CPVL: variants seen among roughly 807,000 people sequenced by gnomAD.
The protein encoded by CPVL is probable serine carboxypeptidase CPVL.
Under a neutral mutation model 63.7 loss-of-function variants are expected in CPVL, and 51 were observed. The ratio of observed to expected loss-of-function variants is 0.80; its 90% confidence interval spans 0.64 to 1.01. CPVL has a LOEUF of 1.01. Ranked by LOEUF, CPVL falls within the 50% of genes least tolerant of loss-of-function variation. The pLI, the probability that CPVL is intolerant of heterozygous loss-of-function variation, is 0.00. For missense variants in CPVL, 530 were observed against 573.1 expected, an observed-to-expected ratio of 0.92 and a Z score of 0.77; for synonymous variants, 195 against 206.0, an observed-to-expected ratio of 0.95 and a Z score of 0.46.
At chr7:29,147,498 G>A (rs1383928078), upstream of CPVL, among the ~76,000 whole-genome samples, 2 of 152,198 alleles carry the variant, frequency 1.3e-5, no homozygotes, top group Non-Finnish European at 2.9e-5. Flanking sequence ...TTACGAGCTG[G>A]AACAAACTAA....
At chr7:29,042,720 CTT>C (rs1789236413) in intron 11 of CPVL, among the ~76,000 whole-genome samples, 1 of 152,218 alleles carries the variant, frequency 6.6e-6, no homozygotes, top group African/African-American at 2.4e-5. Flanking sequence ...GCTGTGCTCC[CTT>C]TCACTAATGG....
chr7:29,099,254 A>ACAATCTATCG (rs1211550804), intron 3 of CPVL, among the ~76,000 whole-genome samples: 8 of 152,170 alleles, frequency 5.3e-5, no homozygotes, highest in Non-Finnish European at 1.2e-4. Flanking sequence ...TGGCTTGAAC[A>ACAATCTATCG]CAATCTATCT....
At chr7:29,054,093 A>ATT (rs1433761845) in intron 11 of CPVL, among the ~76,000 whole-genome samples, 1 of 152,036 alleles carries the variant, frequency 6.6e-6, no homozygotes, top group African/African-American at 2.4e-5. Context: ...AAACAAAACA[A>ATT]ACAAAATCTG....
intron 11 of CPVL, among the ~76,000 whole-genome samples, chr7:29,056,608 T>G (rs988326351): frequency 4.6e-5 from 7 of 152,358 alleles, no homozygotes; most frequent in Admixed American, 1.3e-4. Flanking sequence ...GTTTCCAAGT[T>G]TTGGCAATTA....
At chr7:29,133,200 A>C (rs1379070683) in intron 1 of CPVL, among the ~76,000 whole-genome samples, 4 of 152,098 alleles carry the variant, frequency 2.6e-5, no homozygotes, top group East Asian at 1.9e-4. Flanking sequence ...AGGCAAAAAA[A>C]AAAAAAACAA....
chr7:29,074,863 A>G (rs1375819407), intron 7 of CPVL, among the ~76,000 whole-genome samples: 1 of 151,770 alleles, frequency 6.6e-6, no homozygotes, highest in Non-Finnish European at 1.5e-5. Flanking sequence ...AATTTCTTTC[A>G]AAACTATATT....
intron 1 of CPVL, among the ~76,000 whole-genome samples, chr7:29,122,969 C>G (rs1789531065): frequency 6.6e-6 from 1 of 152,120 alleles, no homozygotes; most frequent in African/African-American, 2.4e-5. Context: ...ACTCTGCACT[C>G]CTGCTATTTA....
Position 29,120,923 on chromosome 7 carries a change from G to C in CPVL, c.139C>G (p.Pro47Ala). 1.9e-6 allele frequency: 3 copies of C among 1,613,766 alleles called. No homozygotes were observed. Among genetic ancestry groups the C allele is most frequent in the South Asian group, 2.2e-5 (2 of 90,964 alleles). Residue 47 changes from proline (P) to alanine (A), a missense_variant, in exon 2 of 13, where the codon CCT becomes GCT. Coordinates refer to ENST00000265394, the MANE Select transcript of CPVL (RefSeq NM_031311.5). ...GDSGQPLFLTPYIEAGKIQKG... is the reference protein window; with the variant it reads ...GDSGQPLFLTAYIEAGKIQKG... ...TGGATCTTCCCAGCTTCAATGTAAG[G>C]GGTGAGAAATAATGGCTGTCCTGAG...
intron 1 of CPVL, among the ~76,000 whole-genome samples, chr7:29,190,861 A>G (rs1782796065): frequency 6.6e-6 from 1 of 152,124 alleles, no homozygotes. Flanking sequence ...AACAACATCC[A>G]CTGAGCACCT....
intron 1 of CPVL, among the ~76,000 whole-genome samples, chr7:29,130,746 G>A (rs1390653553): frequency 2.6e-5 from 4 of 152,122 alleles, no homozygotes; most frequent in African/African-American, 7.2e-5. Flanking sequence ...AGAATATAAC[G>A]AAATCTGCCT....
At chr7:29,032,374 C>T (rs982955123) in intron 11 of CPVL, among the ~76,000 whole-genome samples, 4 of 152,082 alleles carry the variant, frequency 2.6e-5, no homozygotes, top group Non-Finnish European at 5.9e-5. Flanking sequence ...ACCACCCCCA[C>T]TCTCCTAAGA....
intron 3 of CPVL, among the ~76,000 whole-genome samples, chr7:29,103,313 T>G (rs1365037176): frequency 6.6e-6 from 1 of 150,512 alleles, no homozygotes; most frequent in Non-Finnish European, 1.5e-5. Flanking sequence ...TAGCGTGATC[T>G]CAGTTCACTG....
intron 5 of CPVL, among the ~76,000 whole-genome samples, chr7:29,171,710 A>G (rs772618551): frequency 7.9e-5 from 12 of 152,214 alleles, no homozygotes; most frequent in African/African-American, 2.7e-4. Flanking sequence ...CATATGACAT[A>G]ATTTAGAAAT....
At chr7:29,095,260 T>C in intron 4 of CPVL, 118 bp from the exon 5 acceptor site, 1 of 797,346 alleles carries the variant, frequency 1.3e-6, no homozygotes, top group Non-Finnish European at 2.2e-6. Context: ...GCGTACCCTC[T>C]AACAGTGCTG....
chr7:29,139,548 T>C (rs527809067), intron 1 of CPVL, among the ~76,000 whole-genome samples: 1 of 151,002 alleles, frequency 6.6e-6, no homozygotes, highest in East Asian at 2.0e-4. Flanking sequence ...GCAGGGGGGC[T>C]ACAACACTGA....
In CPVL at chr7:29,146,444, C is replaced by T; in HGVS notation, c.-26G>A. The T allele has an allele frequency of 7.7e-7, 1 of 1,296,406 alleles. No homozygotes were observed. The highest frequency in any genetic ancestry group is 1.0e-6 in the Non-Finnish European group (1 of 970,880). 80.3% of individuals were successfully genotyped at this position (1,296,406 alleles called of 1,614,324 possible). A position where few individuals can be genotyped will look rare whatever the true frequency, so the allele number is the denominator to read the frequency against. On this transcript the variant is annotated 5_prime_UTR_variant, in exon 1 of 13. Transcript: ENST00000265394. ...CGGCACTTACGCGGCGCAGTCGGTG[C>T]TCCTCCCTGAGCCGCGGCGCGCAAG...
At chr7:29,085,156 C>T (rs772472661) in intron 7 of CPVL, among the ~76,000 whole-genome samples, 15 of 152,162 alleles carry the variant, frequency 9.9e-5, no homozygotes, top group Non-Finnish European at 1.8e-4. Flanking sequence ...TTTTTAAATG[C>T]CATTCCCCAG....
intron 2 of CPVL, among the ~76,000 whole-genome samples, chr7:29,113,946 A>G (rs1788511313): frequency 1.3e-5 from 2 of 152,174 alleles, no homozygotes; most frequent in African/African-American, 4.8e-5. Context: ...AAGAAAAGCG[A>G]TGTAAGTCTG....
At chr7:29,117,128 T>G (rs1788851287) in intron 2 of CPVL, among the ~76,000 whole-genome samples, 1 of 152,346 alleles carries the variant, frequency 6.6e-6, no homozygotes. Context: ...AGAATTTGAC[T>G]GTGTAACATA....
Sources: allele counts gnomAD v4.1 joint callset (sites outside exome capture counted in the v4.1 genomes callset), GRCh38; gene constraint gnomAD v4.1.1; transcripts MANE v1.5; gene names NCBI Gene and HGNC (gene_info 2026-07-23, HGNC 2026-07-21).